PAX7: variants seen among roughly 807,000 people sequenced by gnomAD.
The protein encoded by PAX7 is paired box protein Pax-7.
PAX7 carries 18 observed loss-of-function variants against 50.7 expected under a neutral mutation model. The ratio of observed to expected loss-of-function variants is 0.36; its 90% CI spans 0.25 to 0.53. The LOEUF (loss-of-function observed/expected upper bound fraction) is 0.53. Among genes scored for constraint, PAX7 ranks in the 20% least tolerant of loss-of-function variants. PAX7 has a pLI of 0.93. For missense variants in PAX7, 644 were observed against 702.9 expected, an observed-to-expected ratio of 0.92 and a Z score of 0.95; for synonymous variants, 310 against 290.4, an observed-to-expected ratio of 1.07 and a Z score of -0.69.
chr1:18,730,279 A>G (rs2089630272), intron 7 of PAX7, among the ~76,000 whole-genome samples: 1 of 152,198 alleles, frequency 6.6e-6, no homozygotes, highest in Non-Finnish European at 1.5e-5. Flanking sequence ...CAGGGCAGAT[A>G]TTCTGGCCCC....
chr1:18,651,450 C>G (rs1168374008), intron 4 of PAX7, among the ~76,000 whole-genome samples: 1 of 152,180 alleles, frequency 6.6e-6, no homozygotes, highest in Non-Finnish European at 1.5e-5. Context: ...TCCCTAGCAA[C>G]AGCTTTGTTG....
chr1:18,699,205 G>A (rs1487853222), intron 5 of PAX7, among the ~76,000 whole-genome samples: 1 of 152,238 alleles, frequency 6.6e-6, no homozygotes, highest in Non-Finnish European at 1.5e-5. Flanking sequence ...TGGAGCCTGA[G>A]TCTGAGGGGG....
At chr1:18,717,295 C>T (rs1045027394) in intron 7 of PAX7, among the ~76,000 whole-genome samples, 7 of 152,268 alleles carry the variant, frequency 4.6e-5, no homozygotes, top group African/African-American at 1.7e-4. Context: ...GGGCCTCGGC[C>T]GTCTCGGGAC....
chr1:18,724,906 CG>C (rs2100379000), intron 7 of PAX7, among the ~76,000 whole-genome samples: 1 of 152,318 alleles, frequency 6.6e-6, no homozygotes, highest in African/African-American at 2.4e-5. Context: ...AAGGCACTGA[CG>C]AAGGCAATAC....
chr1:18,634,997 C>A lies in PAX7; in HGVS notation c.322-114C>A. On this transcript the variant is annotated intron_variant, in intron 2 of 8. Transcript: ENST00000420770. This position sits in a 1 kb window ranked among gnomAD's most constrained non-coding sequence, Gnocchi z 4.0. Reference sequence around the variant, plus strand: ...CAATCTCTTGGGGGATGGGGGGACACAAGGTAACCAGAACCACCAGCCTGG... The same window carrying A: ...CAATCTCTTGGGGGATGGGGGGACAAAAGGTAACCAGAACCACCAGCCTGG... The A allele has an allele frequency of 2.3e-6, 3 of 1,317,072 alleles. No homozygotes were observed. The highest frequency in any genetic ancestry group is 1.5e-5 in the African/African-American group (1 of 67,752). 81.6% of individuals were successfully genotyped at this position (1,317,072 alleles called of 1,614,324 possible). A position where few individuals can be genotyped will look rare whatever the true frequency, so the allele number is the denominator to read the frequency against.
chr1:18,675,855 C>T (rs148244721), intron 4 of PAX7, among the ~76,000 whole-genome samples: 7 of 152,230 alleles, frequency 4.6e-5, no homozygotes, highest in East Asian at 1.9e-4. Context: ...CCAGGAGTCC[C>T]GGCAGCGGGG....
At chr1:18,741,995 G>T (rs181541144) in intron 8 of PAX7, among the ~76,000 whole-genome samples, 1 of 152,042 alleles carries the variant, frequency 6.6e-6, no homozygotes, top group Admixed American at 6.6e-5. Context: ...TGTAAGATGC[G>T]GATACCACCA....
chr1:18,642,848 G>A (rs1486550102), intron 4 of PAX7, among the ~76,000 whole-genome samples: 1 of 152,050 alleles, frequency 6.6e-6, no homozygotes, highest in East Asian at 1.9e-4. Context: ...TTCAAACGAA[G>A]TGGGGTGGGG....
intron 5 of PAX7, among the ~76,000 whole-genome samples, chr1:18,699,380 T>C (rs1423652814): frequency 6.6e-6 from 1 of 151,998 alleles, no homozygotes; most frequent in East Asian, 1.9e-4. Context: ...TCAGCTGAGC[T>C]CTGAAGGCCA....
chr1:18,650,478 G>T (rs145152937), intron 4 of PAX7, among the ~76,000 whole-genome samples: 8 of 152,344 alleles, frequency 5.3e-5, no homozygotes, highest in East Asian at 1.9e-4. Context: ...AATGCAGCCT[G>T]TGGGGGATGG....
At chr1:18,744,709 G>A (rs1170427350) in intron 8 of PAX7, 105 bp from the exon 9 acceptor site, 535 of 627,866 alleles carry the variant, frequency 8.5e-4, no homozygotes, top group Non-Finnish European at 1.4e-3. Context: ...TGGATGGATG[G>A]ATGGATGGAT....
chr1:18,678,141 G>A (rs748652439), intron 4 of PAX7, among the ~76,000 whole-genome samples: 14 of 151,938 alleles, frequency 9.2e-5, no homozygotes, highest in Admixed American at 5.2e-4. Flanking sequence ...GCCGGGCGCA[G>A]TGGCTCACGC....
At chr1:18,716,607 A>C (rs1456825805) in intron 7 of PAX7, among the ~76,000 whole-genome samples, 137 of 105,624 alleles carry the variant, frequency 1.3e-3, no homozygotes, top group South Asian at 1.8e-3. Context: ...CTGTGCCACC[A>C]CCCCCTTGCT....
intron 7 of PAX7, among the ~76,000 whole-genome samples, chr1:18,705,353 C>T (rs371949310): frequency 8.5e-5 from 13 of 152,164 alleles, no homozygotes; most frequent in African/African-American, 2.9e-4. Context: ...TTTCCACACC[C>T]AAGAATAGGG....
intron 7 of PAX7, among the ~76,000 whole-genome samples, chr1:18,727,369 CAT>C (rs753684189): frequency 8.4e-6 from 1 of 119,166 alleles, no homozygotes; most frequent in African/African-American, 3.0e-5. Flanking sequence ...CTCTCTCTCT[CAT>C]ACACACACAC....
At chr1:18,690,470 G>A (rs1043816249) in intron 4 of PAX7, among the ~76,000 whole-genome samples, 2 of 152,226 alleles carry the variant, frequency 1.3e-5, no homozygotes, top group African/African-American at 4.8e-5. Context: ...TGGGTCAGAC[G>A]TGGGCAGGAG....
At chr1:18,725,704 G>T (rs535411363) in intron 7 of PAX7, among the ~76,000 whole-genome samples, 3 of 152,126 alleles carry the variant, frequency 2.0e-5, no homozygotes, top group Admixed American at 6.5e-5. Flanking sequence ...CCTTCCCCCC[G>T]AGCCTCGCCG....
intron 4 of PAX7, among the ~76,000 whole-genome samples, chr1:18,677,617 G>A (rs144178627): frequency 3.6e-4 from 55 of 152,218 alleles, no homozygotes; most frequent in Non-Finnish European, 7.2e-4. Flanking sequence ...GGGGATAGAC[G>A]GGAAGCTGGA....
At chr1:18,669,647 G>A (rs1374097206) in intron 4 of PAX7, among the ~76,000 whole-genome samples, 1 of 152,176 alleles carries the variant, frequency 6.6e-6, no homozygotes, top group Non-Finnish European at 1.5e-5. Flanking sequence ...CGTACTGGGG[G>A]AAGCTGTCCC....
Sources: allele counts gnomAD v4.1 joint callset (sites outside exome capture counted in the v4.1 genomes callset), GRCh38; gene constraint gnomAD v4.1.1; non-coding constraint Gnocchi (gnomAD v3.1); transcripts MANE v1.5; gene names NCBI Gene and HGNC (gene_info 2026-07-23, HGNC 2026-07-21).